The following ALG3 variants were observed in gnomAD, a reference collection of about 807,000 sequenced individuals.
ALG3 encodes the protein ALG3 alpha-1,3- mannosyltransferase, also known as dol-P-Man:Man(5)GlcNAc(2)-PP-Dol alpha-1,3-mannosyltransferase.
Under a neutral mutation model 50.5 loss-of-function variants are expected in ALG3, and 39 were observed. That is an observed-to-expected ratio of 0.77 (90% CI 0.60 to 1.01). The LOEUF is 1.01. Ranked by LOEUF, ALG3 falls within the 50% of genes least tolerant of loss-of-function variation. The pLI is 0.00. For synonymous variants in ALG3, 252 were observed against 237.2 expected, an observed-to-expected ratio of 1.06 and a Z score of -0.58; for missense variants, 520 against 554.8, an observed-to-expected ratio of 0.94 and a Z score of 0.63.
chr3:184,248,891 G>T lies in ALG3; in HGVS notation c.50C>A (p.Ala17Glu), dbSNP rs776497657. Residue 17 changes from alanine to glutamate, a missense_variant, in exon 1 of 9, where the codon GCA (alanine) becomes GAA (glutamate). This residue lies in a region of ALG3 where 290 missense variants were observed against 265.9 expected (regional missense o/e 1.09). Coordinates refer to ENST00000397676, the MANE Select transcript of ALG3 (RefSeq NM_005787.6). ...KRGRSGSAAQ[A>E]EGLCKQWLQR... The stretch of plus-strand genomic sequence containing the variant: ...CAGCCATTGCTTGCAGAGTCCCTCT[G>T]CCTGGGCCGCGGAACCGGACCGGCC... 1 of 1,602,794 alleles carries T rather than the reference G, an allele frequency of 6.2e-7. No individual in the cohort carries two copies. The highest frequency in any genetic ancestry group is 2.2e-5 in the East Asian group (1 of 44,474).
intron 7 of ALG3, chr3:184,243,242 G>A: frequency 3.5e-6 from 2 of 566,728 alleles, no homozygotes; most frequent in Middle Eastern, 4.7e-4. Flanking sequence ...TTTTCCATCT[G>A]TAAAATGAGA....
intron 2 of ALG3, 40 bp downstream of exon 2, chr3:184,245,672 CA>C: frequency 6.2e-7 from 1 of 1,609,936 alleles, no homozygotes; most frequent in Non-Finnish European, 8.5e-7. Context: ...AGTACCTAAC[CA>C]GCCCCTCACA....
At chr3:184,248,132 G>A (rs1161533058) in intron 1 of ALG3, among the ~76,000 whole-genome samples, 1 of 152,080 alleles carries the variant, frequency 6.6e-6, no homozygotes, top group Non-Finnish European at 1.5e-5. Context: ...GGGATTACAG[G>A]CGTGAGCCAC....
chr3:184,244,152 G>A (rs534270323), intron 5 of ALG3, among the ~76,000 whole-genome samples, 156 bp from the exon 6 acceptor site: 23 of 152,272 alleles, frequency 1.5e-4, no homozygotes, highest in African/African-American at 2.9e-4. Flanking sequence ...CCCACCCCCC[G>A]GCCCAGGCCA....
At chr3:184,245,159 C>T (rs756152359) in intron 4 of ALG3, 39 bp downstream of exon 4, 23 of 1,611,596 alleles carry the variant, frequency 1.4e-5, no homozygotes, top group Non-Finnish European at 2.0e-5. Flanking sequence ...GATGGAAATG[C>T]AGAAAACGAG....
At chr3:184,247,582 G>A (rs1235635022) in intron 1 of ALG3, among the ~76,000 whole-genome samples, 2 of 152,212 alleles carry the variant, frequency 1.3e-5, no homozygotes, top group African/African-American at 2.4e-5. Context: ...ACAGGCGTGT[G>A]CCGCTGCGCC....
Position 184,242,661 on chromosome 3 carries a change from C to G in ALG3, c.1170G>C (p.Gly390=), listed in dbSNP as rs758528909. Residue 390 remains glycine, a synonymous_variant, in exon 9 of 9, where the codon GGG becomes GGC. Transcript: ENST00000397676. Reference sequence around the variant, plus strand: ...ATGTGTTCCAGGAGAGCTCGATGAGCCCCAGCACCAACAACCTGGAGATGA... The same window carrying G: ...ATGTGTTCCAGGAGAGCTCGATGAGGCCCAGCACCAACAACCTGGAGATGA... The part of the protein sequence containing the change: ...LTHLLRLLVL[G]LIELSWNTYP... 6.4e-7 allele frequency: 1 copy of G among 1,560,610 alleles called. No homozygotes were observed. Among genetic ancestry groups the G allele is most frequent in the Admixed American group, 1.8e-5 (1 of 55,962 alleles).
Position 184,248,937 on chromosome 3 carries a change from C to G in ALG3, c.4G>C (p.Ala2Pro). 6.3e-7 allele frequency: 1 copy of G among 1,579,880 alleles called. No homozygotes were observed. The highest frequency in any genetic ancestry group is 8.6e-7 in the Non-Finnish European group (1 of 1,164,992). M[A>P]AGLRKRGRSG... ...CGGCCGCGTTTCCGCAGCCCAGCCG[C>G]CATCTTAACGGTGCGCCGCTTGTGT... is the stretch of plus-strand genomic sequence containing the variant. Residue 2 changes from alanine to proline, a missense_variant, in exon 1 of 9, where the codon GCG (alanine) becomes CCG (proline). Ala to Pro is a conservative substitution (Grantham distance 27, BLOSUM62 -1). Coordinates refer to ENST00000397676, the MANE Select transcript of ALG3 (RefSeq NM_005787.6).
chr3:184,243,757 C>A (rs752961667), intron 6 of ALG3, 34 bp downstream of exon 6: 24 of 1,599,906 alleles, frequency 1.5e-5, no homozygotes, highest in Non-Finnish European at 2.0e-5. Flanking sequence ...CTCCTTCCCC[C>A]AACTCTGCCC....
In ALG3 at chr3:184,245,495, G is replaced by A. The variant is rs1334998863; in HGVS notation, c.417C>T (p.Val139=). 6.2e-6 allele frequency: 10 copies of A among 1,613,908 alleles called. No individual in the cohort carries two copies. Among genetic ancestry groups the A allele is most frequent in the African/African-American group, 1.3e-5 (1 of 74,932 alleles). The change falls in exon 3 of 9, where the codon GTC becomes GTT. Residue 139 remains valine (V), a synonymous_variant. Transcript: ENST00000397676. ...AVLYLATLLL[V]FLIYHQTCKV... ...TGCAGGTCTGGTGATAGATCAAGAAGACAAGCAGCAAGGTAGCCAGGTAGA... is the reference window on the plus strand; with the variant it reads ...TGCAGGTCTGGTGATAGATCAAGAAAACAAGCAGCAAGGTAGCCAGGTAGA...
chr3:184,247,905 G>C (rs1719252611), intron 1 of ALG3, among the ~76,000 whole-genome samples: 1 of 151,496 alleles, frequency 6.6e-6, no homozygotes, highest in Admixed American at 6.6e-5. Flanking sequence ...GAGTGCAGTG[G>C]CGTGATCTCG....
chr3:184,245,206 G>A lies in ALG3; in HGVS notation c.597C>T (p.Cys199=). The A allele has an allele frequency of 6.2e-7, 1 of 1,613,904 alleles. No homozygotes were observed. Among genetic ancestry groups the A allele is most frequent in the Non-Finnish European group, 8.5e-7 (1 of 1,179,878 alleles). The change falls in exon 4 of 9, where the codon TGC becomes TGT. Residue 199 remains cysteine (C), a synonymous_variant. Coordinates refer to ENST00000397676, the MANE Select transcript of ALG3 (RefSeq NM_005787.6). The part of the protein sequence containing the change: ...LLAQRWGWGC[C]FFSLAVSVKM... ...AAGGAAGAGGTGTTGACCTGAAAAA[G>A]CAGCAACCCCAGCCCCAGCGCTGGG...
At chr3:184,249,521 A>G (rs2108445964), upstream of ALG3, 2 of 791,988 alleles carry the variant, frequency 2.5e-6, no homozygotes, top group Non-Finnish European at 3.9e-6. Context: ...TCTGGACGAT[A>G]GTTTTCCCAG....
intron 5 of ALG3, chr3:184,244,391 A>T (rs1577103323): frequency 1.6e-6 from 1 of 637,952 alleles, no homozygotes; most frequent in Non-Finnish European, 2.5e-6. Context: ...ACTTAAAATT[A>T]AAAAAAGCAA....
At chr3:184,248,706 T>TCTCC (rs771487297) in intron 1 of ALG3, 39 bp downstream of exon 1, 2 of 1,467,530 alleles carry the variant, frequency 1.4e-6, no homozygotes, top group African/African-American at 2.8e-5. Flanking sequence ...CGGGTTCAGG[T>TCTCC]CTCCCTCCCT....
In ALG3 at chr3:184,245,698, C is replaced by A; in HGVS notation, c.296+15G>T. On this transcript the variant is annotated intron_variant, in intron 2 of 8. Transcript: ENST00000397676. ...AGCCCCTCACATCCTCCCTGAACTTCCTGTCCCCACTCACACAAGTGGTCC... is the reference window on the plus strand; with the variant it reads ...AGCCCCTCACATCCTCCCTGAACTTACTGTCCCCACTCACACAAGTGGTCC... 1 of 1,611,250 alleles carries A rather than the reference C, an allele frequency of 6.2e-7. No individual in the cohort carries two copies. The highest frequency in any genetic ancestry group is 8.5e-7 in the Non-Finnish European group (1 of 1,177,740).
chr3:184,244,370 C>A, intron 5 of ALG3: 1 of 567,974 alleles, frequency 1.8e-6, no homozygotes, highest in Non-Finnish European at 3.0e-6. Context: ...CCAGCAAGAG[C>A]CCATCTCAAA....
rs563516937 is a variant in ALG3 at position 184,248,913 on chromosome 3, G to A, written c.28C>T (p.Arg10Trp). Residue 10 changes from arginine (R) to tryptophan (W), a missense_variant, in exon 1 of 9, where the codon CGG becomes TGG. Arg to Trp is a moderately radical substitution (Grantham distance 101). Coordinates refer to ENST00000397676, the MANE Select transcript of ALG3 (RefSeq NM_005787.6). The part of the protein sequence containing the change: MAAGLRKRG[R>W]SGSAAQAEGL... The stretch of plus-strand genomic sequence containing the variant: ...TCTGCCTGGGCCGCGGAACCGGACC[G>A]GCCGCGTTTCCGCAGCCCAGCCGCC... The A allele has an allele frequency of 3.0e-5, 47 of 1,592,542 alleles. 1 individual carries two copies. In the South Asian group the frequency reaches 4.6e-4, roughly 16 times the overall value.
chr3:184,242,997 G>A (rs1160466564), intron 7 of ALG3, 40 bp from the exon 8 acceptor site: 3 of 1,608,738 alleles, frequency 1.9e-6, no homozygotes, highest in Non-Finnish European at 1.7e-6. Flanking sequence ...GTGTGTGTGG[G>A]GGGGACTATC....
Sources: gnomAD v4.1 joint callset for allele counts (sites outside exome capture counted in the v4.1 genomes callset) on GRCh38, gnomAD v4.1.1 for gene constraint, gnomAD v4.1.1 regional missense constraint, MANE v1.5 for transcripts, NCBI Gene and HGNC (gene_info 2026-07-23, HGNC 2026-07-21) for gene names.